Variants in GOLPH3 observed in about 807,000 individuals in gnomAD.
The protein encoded by GOLPH3 is golgi phosphoprotein 3.
A neutral mutation model predicts 28.5 loss-of-function variants in GOLPH3; 14 were observed. The ratio of observed to expected loss-of-function variants is 0.49; its 90% CI spans 0.32 to 0.77. GOLPH3 has a LOEUF of 0.77. Among genes scored for constraint, GOLPH3 ranks in the 30% least tolerant of loss-of-function variants. GOLPH3 has a pLI of 0.03. For synonymous variants in GOLPH3, 158 were observed against 159.2 expected (o/e 0.99, Z 0.06); for missense variants, 350 against 393.7 (o/e 0.89, Z 0.94).
intron 1 of GOLPH3, among the ~76,000 whole-genome samples, chr5:32,170,997 A>C (rs1746821408): frequency 6.6e-6 from 1 of 152,202 alleles, no homozygotes; most frequent in Non-Finnish European, 1.5e-5. Context: ...TGACTAGCAA[A>C]GTATAATGAG....
intron 1 of GOLPH3, among the ~76,000 whole-genome samples, chr5:32,156,557 A>C (rs1746432033): frequency 6.6e-6 from 1 of 152,136 alleles, no homozygotes; most frequent in Non-Finnish European, 1.5e-5. Context: ...TGGTAGTCCC[A>C]ACCTTTTTGG....
chr5:32,141,864 G>A (rs1308934061), intron 2 of GOLPH3, among the ~76,000 whole-genome samples: 2 of 150,284 alleles, frequency 1.3e-5, no homozygotes, highest in South Asian at 2.1e-4. Flanking sequence ...TCGGCCTCCC[G>A]AGGTGCCGGG....
chr5:32,150,388 G>A (rs1746277158), intron 1 of GOLPH3, among the ~76,000 whole-genome samples: 1 of 149,824 alleles, frequency 6.7e-6, no homozygotes, highest in African/African-American at 2.5e-5. Flanking sequence ...GATTTTCCCT[G>A]GAGCTATACA....
Position 32,126,452 on chromosome 5 carries a change from T to G in GOLPH3, c.657A>C (p.Glu219Asp). ...CATTCACCCATTTGTCAAGAACGGC[T>G]TCCTGTACTTTCTTGATGAGGCGCT... ...IKQRLIKKVQEAVLDKWVNDP... is the reference protein window; with the variant it reads ...IKQRLIKKVQDAVLDKWVNDP... Residue 219 changes from glutamate to aspartate, a missense_variant, in exon 4 of 4, where the codon GAA (glutamate) becomes GAC (aspartate). Glu to Asp is a conservative substitution (Grantham distance 45). Coordinates refer to ENST00000265070, the MANE Select transcript of GOLPH3 (RefSeq NM_022130.4). 1 of 1,614,184 alleles carries G rather than the reference T, an allele frequency of 6.2e-7. No individual in the cohort carries two copies. The highest frequency in any genetic ancestry group is 8.5e-7 in the Non-Finnish European group (1 of 1,180,032).
At chr5:32,173,133 C>A (rs1270124617) in intron 1 of GOLPH3, among the ~76,000 whole-genome samples, 3 of 152,044 alleles carry the variant, frequency 2.0e-5, no homozygotes, top group Non-Finnish European at 4.4e-5. Context: ...TTTCTTAAGA[C>A]GGCAAGACTT....
chr5:32,140,961 G>A (rs780820197), intron 2 of GOLPH3, among the ~76,000 whole-genome samples: 36 of 152,054 alleles, frequency 2.4e-4, no homozygotes, highest in Middle Eastern at 3.4e-3. Context: ...CCAGGAGTTC[G>A]AGAGCAGCCC....
At chr5:32,137,504 C>T (rs1745962841) in intron 2 of GOLPH3, among the ~76,000 whole-genome samples, 1 of 151,722 alleles carries the variant, frequency 6.6e-6, no homozygotes, top group African/African-American at 2.4e-5. Flanking sequence ...ACTAATAATA[C>T]AAAAATTAGC....
intron 1 of GOLPH3, among the ~76,000 whole-genome samples, chr5:32,169,360 T>A (rs1325019474): frequency 6.6e-6 from 1 of 152,010 alleles, no homozygotes; most frequent in Admixed American, 6.6e-5. Context: ...TTAATAAACA[T>A]CCACAGCAGT....
chr5:32,128,575 T>C (rs1429837090), intron 3 of GOLPH3, among the ~76,000 whole-genome samples: 2 of 151,860 alleles, frequency 1.3e-5, no homozygotes, highest in East Asian at 1.9e-4. Flanking sequence ...AGGAGAATCA[T>C]TTAAACCGGG....
intron 1 of GOLPH3, among the ~76,000 whole-genome samples, chr5:32,147,080 G>A (rs1029835610): frequency 2.0e-5 from 3 of 152,094 alleles, no homozygotes; most frequent in African/African-American, 7.2e-5. Flanking sequence ...TATATCATAG[G>A]TTTGTATTTA....
chr5:32,142,095 T>C (rs1746079691), intron 2 of GOLPH3, among the ~76,000 whole-genome samples: 1 of 144,642 alleles, frequency 6.9e-6, no homozygotes, highest in Non-Finnish European at 1.5e-5. Context: ...CCCCTCTGCC[T>C]GGCTGCCCAG....
intron 1 of GOLPH3, among the ~76,000 whole-genome samples, chr5:32,171,492 T>G (rs1746836767): frequency 1.3e-5 from 2 of 152,018 alleles, no homozygotes; most frequent in African/African-American, 4.8e-5. Flanking sequence ...TTTTTTAGTT[T>G]TTTTTTTTTC....
chr5:32,137,980 T>G (rs990362379), intron 2 of GOLPH3, among the ~76,000 whole-genome samples: 2 of 150,188 alleles, frequency 1.3e-5, no homozygotes, highest in African/African-American at 4.9e-5. Flanking sequence ...CTCAGCTCAC[T>G]GCAACCTCCG....
At chr5:32,140,780 C>G (rs1277373646) in intron 2 of GOLPH3, among the ~76,000 whole-genome samples, 3 of 134,384 alleles carry the variant, frequency 2.2e-5, no homozygotes, top group African/African-American at 8.5e-5. Flanking sequence ...CCTGCCCAGG[C>G]AATGGAGTGA....
At chr5:32,159,257 C>G (rs1164123019) in intron 1 of GOLPH3, among the ~76,000 whole-genome samples, 2 of 152,174 alleles carry the variant, frequency 1.3e-5, no homozygotes, top group African/African-American at 4.8e-5. Context: ...TAATGAGATA[C>G]CTTAGGGATG....
At position 32,173,972 on chromosome 5, in the gene GOLPH3, G is replaced by A. The variant is rs1410199568; in HGVS notation, c.63C>T (p.Asn21=). The change falls in exon 1 of 4, where the codon AAC becomes AAT. Residue 21 remains asparagine (N), a synonymous_variant. Transcript: ENST00000265070. ...LVQRRTEASR[N]AADKERAAGG... ...CCGCCGCCCGCTCCTTGTCGGCGGC[G>A]TTGCGGGAGGCCTCGGTGCGCCGCT... 1 of 1,396,912 alleles carries A rather than the reference G, an allele frequency of 7.2e-7. No individual in the cohort carries two copies. Among genetic ancestry groups the A allele is most frequent in the Admixed American group, 3.4e-5 (1 of 29,608 alleles). 86.5% of individuals were successfully genotyped at this position (1,396,912 alleles called of 1,614,324 possible).
chr5:32,145,361 G>A (rs1186437421), intron 1 of GOLPH3, among the ~76,000 whole-genome samples: 1 of 152,214 alleles, frequency 6.6e-6, no homozygotes. Context: ...CTGATCAAAT[G>A]AAGATTACCA....
intron 3 of GOLPH3, 90 bp from the exon 4 acceptor site, chr5:32,126,726 T>C (rs1745690498): frequency 9.9e-7 from 1 of 1,006,412 alleles, no homozygotes; most frequent in Admixed American, 2.6e-5. Context: ...AAATCTGATT[T>C]TGCCCCAAGA....
chr5:32,167,780 T>C (rs1365121467), intron 1 of GOLPH3, among the ~76,000 whole-genome samples: 1 of 151,474 alleles, frequency 6.6e-6, no homozygotes. Flanking sequence ...ACCACGTCTC[T>C]ACAAAAAAAA....
Sources: allele counts gnomAD v4.1 joint callset (sites outside exome capture counted in the v4.1 genomes callset), GRCh38; gene constraint gnomAD v4.1.1; transcripts MANE v1.5; gene names NCBI Gene and HGNC (gene_info 2026-07-23, HGNC 2026-07-21).